Variants in PTPRR observed in about 807,000 individuals in gnomAD.
The protein encoded by PTPRR is protein tyrosine phosphatase receptor type R, also known as receptor-type tyrosine-protein phosphatase R.
Under a neutral mutation model 77.2 loss-of-function variants are expected in PTPRR, and 38 were observed. The ratio of observed to expected loss-of-function variants is 0.49; its 90% CI spans 0.38 to 0.65. The LOEUF is 0.65. Among genes scored for constraint, PTPRR ranks in the 30% least tolerant of loss-of-function variants. PTPRR has a pLI of 0.00. For missense variants in PTPRR, 744 were observed against 799.2 expected (o/e 0.93, Z 0.83); for synonymous variants, 299 against 283.1 (o/e 1.06, Z -0.57).
chr12:70,673,572 T>A (rs1165901749), intron 10 of PTPRR, among the ~76,000 whole-genome samples: 2 of 152,226 alleles, frequency 1.3e-5, no homozygotes, highest in African/African-American at 2.4e-5. Flanking sequence ...CATACTTATA[T>A]TTACAAATAG....
rs1401193629 is a variant in PTPRR at position 70,639,071 on chromosome 12, G to A, written c.*113C>T. The A allele has an allele frequency of 2.4e-6, 2 of 839,490 alleles. No homozygotes were observed. Among genetic ancestry groups the A allele is most frequent in the Non-Finnish European group, 3.8e-6 (2 of 522,660 alleles). 52.0% of individuals were successfully genotyped at this position (839,490 alleles called of 1,614,324 possible). A position where few individuals can be genotyped will look rare whatever the true frequency, so the allele number is the denominator to read the frequency against. ...GTCTTCCACAATCCATGCCATACAT[G>A]GGCTTCAGAGCTTCTCCTTCCTTCC... is the stretch of plus-strand genomic sequence containing the variant. On this transcript the variant is annotated 3_prime_UTR_variant, in exon 14 of 14. Transcript: ENST00000283228.
chr12:70,656,735 G>C lies in PTPRR; in HGVS notation c.1849C>G (p.Leu617Val). The change falls in exon 13 of 14, where the codon CTA becomes GTA. Residue 617 changes from leucine to valine, a missense_variant. Leu to Val is a conservative substitution (Grantham distance 32). Transcript: ENST00000283228. ...QLKEEGVVDALSIVCQLRMDR... is the reference protein window; with the variant it reads ...QLKEEGVVDAVSIVCQLRMDR... ...ATACGAAGCTGGCAGACAATGCTTA[G>C]TGCATCCACAACTCCTTCTTCTTTC... The C allele has an allele frequency of 6.2e-7, 1 of 1,613,932 alleles. No individual in the cohort carries two copies. Among genetic ancestry groups the C allele is most frequent in the South Asian group, 1.1e-5 (1 of 91,078 alleles).
chr12:70,897,567 T>C (rs368575792), intron 1 of PTPRR, among the ~76,000 whole-genome samples: 9 of 151,612 alleles, frequency 5.9e-5, no homozygotes, highest in Admixed American at 2.6e-4. Flanking sequence ...GGACTGTAAA[T>C]TAGTTCAACC....
chr12:70,871,486 GA>G (rs1343939650), intron 2 of PTPRR, among the ~76,000 whole-genome samples: 1 of 152,134 alleles, frequency 6.6e-6, no homozygotes, highest in African/African-American at 2.4e-5. Flanking sequence ...TTATGTATCT[GA>G]AGGCTCATTC....
chr12:70,859,146 T>C (rs1486109206), intron 2 of PTPRR, among the ~76,000 whole-genome samples: 2 of 152,026 alleles, frequency 1.3e-5, no homozygotes, highest in African/African-American at 4.8e-5. Flanking sequence ...CGTGAATTCT[T>C]TAAAATTCAG....
At chr12:70,846,909 A>G (rs1892494358) in intron 2 of PTPRR, among the ~76,000 whole-genome samples, 1 of 152,070 alleles carries the variant, frequency 6.6e-6, no homozygotes, top group Non-Finnish European at 1.5e-5. Flanking sequence ...TGCTTGTCTC[A>G]GTGCAATATT....
chr12:70,791,564 G>A (rs1315174230), intron 2 of PTPRR, among the ~76,000 whole-genome samples: 1 of 152,114 alleles, frequency 6.6e-6, no homozygotes, highest in African/African-American at 2.4e-5. Flanking sequence ...CTTCAAAAAA[G>A]CAAGGATTTT....
intron 12 of PTPRR, among the ~76,000 whole-genome samples, chr12:70,658,898 T>G (rs1203487490): frequency 2.9e-5 from 4 of 136,298 alleles, no homozygotes; most frequent in African/African-American, 1.1e-4. Flanking sequence ...TTTTTTTTTT[T>G]TTTTTTTTTT....
Position 70,815,154 on chromosome 12 carries a change from G to A in PTPRR, c.358-50376C>T, listed in dbSNP as rs115420137. On this transcript the variant is annotated intron_variant, in intron 2 of 13. Coordinates refer to ENST00000283228, the MANE Select transcript of PTPRR (RefSeq NM_002849.4). ...ATATCAAAAAAAAAAAAAAACCCACGTGTCACTTCTAGAAAAAAAATTGCA... is the reference window on the plus strand; with the variant it reads ...ATATCAAAAAAAAAAAAAAACCCACATGTCACTTCTAGAAAAAAAATTGCA... Among the ~76,000 whole-genome samples, 593 of 78,532 alleles carry A rather than the reference G, an allele frequency of 7.6e-3. 5 individuals are homozygous for A. The highest frequency in any genetic ancestry group is 0.019 in the African/African-American group (570 of 30,250). The allele number at this position is 78,532 out of a possible 152,430, so 51.5% of individuals were successfully genotyped here.
At chr12:70,782,448 A>G (rs943286825) in intron 2 of PTPRR, among the ~76,000 whole-genome samples, 2 of 152,206 alleles carry the variant, frequency 1.3e-5, no homozygotes, top group African/African-American at 4.8e-5. Context: ...CCAAATGTCC[A>G]TCAATGATAG....
intron 2 of PTPRR, among the ~76,000 whole-genome samples, chr12:70,850,301 G>C (rs979477716): frequency 6.6e-6 from 1 of 151,960 alleles, no homozygotes; most frequent in Admixed American, 6.6e-5. Context: ...AGAGGTTGCA[G>C]TGAGCTGAGA....
chr12:70,800,270 T>C (rs887849485), intron 2 of PTPRR, among the ~76,000 whole-genome samples: 4 of 151,098 alleles, frequency 2.6e-5, no homozygotes, highest in African/African-American at 7.3e-5. Flanking sequence ...TTCTCTCTCT[T>C]TTTTTTTTTT....
intron 4 of PTPRR, among the ~76,000 whole-genome samples, chr12:70,758,176 A>G (rs909871588): frequency 1.3e-5 from 2 of 152,228 alleles, no homozygotes; most frequent in Non-Finnish European, 2.9e-5. Context: ...TCTGTAATGC[A>G]TATTTTCTAA....
chr12:70,672,106 C>CA, intron 10 of PTPRR: 1 of 1,390,662 alleles, frequency 7.2e-7, no homozygotes, highest in Non-Finnish European at 1.0e-6. Context: ...CTATGCTCCC[C>CA]AAAATGATGA....
chr12:70,799,077 C>A (rs1001993257), intron 2 of PTPRR, among the ~76,000 whole-genome samples: 2 of 152,104 alleles, frequency 1.3e-5, no homozygotes, highest in Non-Finnish European at 2.9e-5. Flanking sequence ...TTTAAGGGCA[C>A]CAAACCCCTC....
In PTPRR at chr12:70,863,824, G is replaced by T. The variant is rs1892794572; in HGVS notation, c.357+28855C>A. On this transcript the variant is annotated intron_variant, in intron 2 of 13. Coordinates refer to ENST00000283228, the MANE Select transcript of PTPRR (RefSeq NM_002849.4). ...AACTGTTGAATCTCCATTCTGTTCA[G>T]AACAACTCTCTGGGAGTTGTAGTGC... is the stretch of plus-strand genomic sequence containing the variant. Among the ~76,000 whole-genome samples, 4 of 152,238 alleles carry T rather than the reference G, an allele frequency of 2.6e-5. 1 individual carries two copies. The South Asian group carries it at 8.3e-4, about 32-fold the overall frequency.
intron 2 of PTPRR, among the ~76,000 whole-genome samples, chr12:70,888,374 CTTATCATTCTT>C (rs1445298797): frequency 6.6e-6 from 1 of 152,186 alleles, no homozygotes; most frequent in Non-Finnish European, 1.5e-5. Flanking sequence ...TGATGCCTCC[CTTATCATTCTT>C]TAATTTCTCA....
rs183599400 is a variant in PTPRR, at chr12:70,674,562, C to A, written c.1497+9565G>T. On this transcript the variant is annotated intron_variant, in intron 10 of 13. Coordinates refer to ENST00000283228, the MANE Select transcript of PTPRR (RefSeq NM_002849.4). Reference sequence around the variant, plus strand: ...AAGTGTATTTTTTAATCTTATCTTTCTGCTTTTTATTTCTAACTTAATGCA... The same window carrying A: ...AAGTGTATTTTTTAATCTTATCTTTATGCTTTTTATTTCTAACTTAATGCA... Among the ~76,000 whole-genome samples the A allele has an allele frequency of 3.7e-3, 559 of 152,090 alleles. 3 individuals carry two copies. The highest frequency in any genetic ancestry group is 0.013 in the African/African-American group (549 of 41,500).
At chr12:70,671,319 AT>A (rs1377022133) in intron 10 of PTPRR, among the ~76,000 whole-genome samples, 2 of 152,202 alleles carry the variant, frequency 1.3e-5, no homozygotes, top group Admixed American at 1.3e-4. Flanking sequence ...GTAATGAATA[AT>A]AAAAAATAAC....
Sources: allele counts gnomAD v4.1 joint callset (sites outside exome capture counted in the v4.1 genomes callset), GRCh38; gene constraint gnomAD v4.1.1; transcripts MANE v1.5; gene names NCBI Gene and HGNC (gene_info 2026-07-23, HGNC 2026-07-21).